Variants in NRXN1 observed in about 807,000 individuals in gnomAD.
NRXN1 encodes the protein neurexin 1, also known as neurexin-1.
NRXN1 carries 39 observed loss-of-function variants against 150.9 expected under a neutral mutation model. The ratio of observed to expected loss-of-function variants is 0.26; its 90% CI spans 0.20 to 0.34. NRXN1 has a LOEUF of 0.34. Ranked by LOEUF, NRXN1 falls within the 10% of genes least tolerant of loss-of-function variation. The pLI, the probability that NRXN1 is intolerant of heterozygous loss-of-function variation, is 1.00. For synonymous variants in NRXN1, 924 were observed against 757.0 expected, an observed-to-expected ratio of 1.22 and a Z score of -3.62; for missense variants, 1,815 against 1,949.9, an observed-to-expected ratio of 0.93 and a Z score of 1.30.
intron 5 of NRXN1, among the ~76,000 whole-genome samples, chr2:50,722,821 C>A (rs1442870198): frequency 6.6e-6 from 1 of 152,014 alleles, no homozygotes; most frequent in African/African-American, 2.4e-5. Context: ...GATTTATTTC[C>A]ACAGATGGCC....
chr2:50,315,842 T>G (rs1199191313), intron 17 of NRXN1, among the ~76,000 whole-genome samples: 1 of 152,126 alleles, frequency 6.6e-6, no homozygotes, highest in South Asian at 2.1e-4. Context: ...AGCACAAGAA[T>G]AGCTCTCCTC....
chr2:50,406,782 C>T (rs1053004389), intron 17 of NRXN1, among the ~76,000 whole-genome samples: 2 of 152,212 alleles, frequency 1.3e-5, no homozygotes, highest in East Asian at 3.9e-4. Context: ...TTCCATGTAC[C>T]TTTAAAACCA....
intron 21 of NRXN1, among the ~76,000 whole-genome samples, chr2:50,046,721 G>A (rs1446348043): frequency 1.3e-5 from 2 of 152,062 alleles, no homozygotes; most frequent in African/African-American, 4.8e-5. Flanking sequence ...ACACAATGCT[G>A]GGATATAGGT....
chr2:50,518,657 A>T lies in NRXN1; in HGVS notation c.2374+9968T>A, dbSNP rs112186092. Among the ~76,000 whole-genome samples, 1,019 of 135,232 alleles carry T rather than the reference A, an allele frequency of 7.5e-3. 9 individuals are homozygous for T. The highest frequency in any genetic ancestry group is 0.027 in the African/African-American group (925 of 34,664). 88.7% of individuals were successfully genotyped at this position (135,232 alleles called of 152,430 possible). ...ATTATAGTCACAAATGCATTTTTTT[A>T]AAATTAAATATATCATTCCATGTCT... On this transcript the variant is annotated intron_variant, in intron 12 of 22. Transcript: ENST00000401669.
At chr2:49,964,167 T>C (rs933256023) in intron 21 of NRXN1, among the ~76,000 whole-genome samples, 15 of 152,238 alleles carry the variant, frequency 9.9e-5, no homozygotes, top group African/African-American at 3.6e-4. Context: ...CTACTGTTCA[T>C]ATCAATTTAC....
intron 21 of NRXN1, among the ~76,000 whole-genome samples, chr2:49,991,288 C>G (rs564136905): frequency 6.6e-6 from 1 of 152,134 alleles, no homozygotes; most frequent in African/African-American, 2.4e-5. Context: ...AGAAATAAAA[C>G]TATCTTTGCT....
chr2:50,707,886 T>C (rs1041528854), intron 5 of NRXN1, among the ~76,000 whole-genome samples: 2 of 152,194 alleles, frequency 1.3e-5, no homozygotes, highest in African/African-American at 4.8e-5. Flanking sequence ...GTGTTTACAT[T>C]TAAATCTCAA....
At chr2:50,829,951 T>C (rs899744753) in intron 5 of NRXN1, among the ~76,000 whole-genome samples, 10 of 138,654 alleles carry the variant, frequency 7.2e-5, no homozygotes, top group African/African-American at 2.2e-4. Flanking sequence ...TCTGTTCTAC[T>C]TGCTATCAGG....
chr2:50,741,041 G>A (rs1053971673), intron 5 of NRXN1, among the ~76,000 whole-genome samples: 3 of 152,002 alleles, frequency 2.0e-5, no homozygotes, highest in South Asian at 2.1e-4. Context: ...AATCTGTGAC[G>A]GCTATGACTT....
chr2:50,654,847 C>G (rs1686179106), intron 5 of NRXN1, among the ~76,000 whole-genome samples: 1 of 152,030 alleles, frequency 6.6e-6, no homozygotes, highest in South Asian at 2.1e-4. Context: ...AGTGTCTGTT[C>G]ATATCCTTCA....
At chr2:49,935,809 A>G (rs1319318151) in intron 22 of NRXN1, among the ~76,000 whole-genome samples, 2 of 152,210 alleles carry the variant, frequency 1.3e-5, no homozygotes, top group Non-Finnish European at 2.9e-5. Context: ...AAATTACAAG[A>G]CAACGTGACT....
chr2:50,691,166 A>G (rs947792984), intron 5 of NRXN1, among the ~76,000 whole-genome samples: 4 of 152,340 alleles, frequency 2.6e-5, no homozygotes, highest in African/African-American at 4.8e-5. Context: ...AGAGTTATGC[A>G]TCGTTGATTT....
chr2:50,379,478 A>G (rs1383221395), intron 17 of NRXN1, among the ~76,000 whole-genome samples: 2 of 152,194 alleles, frequency 1.3e-5, no homozygotes, highest in African/African-American at 4.8e-5. Context: ...TTGCAGGTAG[A>G]GTATTGACTG....
At chr2:50,667,922 T>C (rs1688306396) in intron 5 of NRXN1, among the ~76,000 whole-genome samples, 1 of 152,000 alleles carries the variant, frequency 6.6e-6, no homozygotes, top group African/African-American at 2.4e-5. Flanking sequence ...CTTTATGTAT[T>C]TCAGAAAATT....
chr2:50,566,409 A>AC (rs71404965), intron 8 of NRXN1, among the ~76,000 whole-genome samples: 100 of 130,058 alleles, frequency 7.7e-4, no homozygotes, highest in African/African-American at 2.6e-3. Context: ...ACGCCCAGCT[A>AC]TTTTTTTTTT....
intron 18 of NRXN1, among the ~76,000 whole-genome samples, chr2:50,102,276 T>G (rs962600585): frequency 5.3e-5 from 8 of 152,012 alleles, no homozygotes; most frequent in African/African-American, 1.9e-4. Flanking sequence ...ATCAAGTGCC[T>G]TTTAGCTGCA....
chr2:50,327,586 T>C (rs915065983), intron 17 of NRXN1, among the ~76,000 whole-genome samples: 8 of 152,150 alleles, frequency 5.3e-5, no homozygotes, highest in Admixed American at 2.0e-4. Flanking sequence ...ACCTTCATCA[T>C]GCTTCTTTTT....
intron 21 of NRXN1, among the ~76,000 whole-genome samples, chr2:50,013,821 T>G (rs1381067370): frequency 6.6e-6 from 1 of 152,166 alleles, no homozygotes; most frequent in Non-Finnish European, 1.5e-5. Flanking sequence ...CATTTCTTAT[T>G]TTTGAGATAA....
chr2:49,996,916 ATTAT>A (rs1454462546), intron 21 of NRXN1, among the ~76,000 whole-genome samples: 42 of 152,170 alleles, frequency 2.8e-4, no homozygotes, highest in African/African-American at 9.9e-4. Flanking sequence ...AGTCCAAATA[ATTAT>A]TTATCCATTC....
Sources: allele counts gnomAD v4.1 joint callset (sites outside exome capture counted in the v4.1 genomes callset), GRCh38; gene constraint gnomAD v4.1.1; transcripts MANE v1.5; gene names NCBI Gene and HGNC (gene_info 2026-07-23, HGNC 2026-07-21).